Variants in GFRA2 observed in about 807,000 individuals in gnomAD.
GFRA2 encodes GDNF family receptor alpha-2.
Under a neutral mutation model 48.3 loss-of-function variants are expected in GFRA2, and 17 were observed. That is an observed-to-expected ratio of 0.35 (90% CI 0.24 to 0.53). The LOEUF is 0.53. Among genes scored for constraint, GFRA2 ranks in the 20% least tolerant of loss-of-function variants. The pLI is 0.93. For synonymous variants in GFRA2, 305 were observed against 257.2 expected, an observed-to-expected ratio of 1.19 and a Z score of -1.78; for missense variants, 660 against 637.3, an observed-to-expected ratio of 1.04 and a Z score of -0.38.
At chr8:21,727,548 G>A (rs11783590) in intron 4 of GFRA2, among the ~76,000 whole-genome samples, 15,899 of 152,140 alleles carry the variant, frequency 0.1, 1,457 homozygotes, top group African/African-American at 0.25. Flanking sequence ...GCCCCCCCCA[G>A]GAGACAGGCT....
chr8:21,804,111 G>C (rs1223623376), intron 2 of GFRA2, among the ~76,000 whole-genome samples: 1 of 152,146 alleles, frequency 6.6e-6, no homozygotes, highest in East Asian at 1.9e-4. Context: ...GCAGAAGTCA[G>C]TCCCCTGTCT....
Position 21,755,207 on chromosome 8 carries a change from C to T in GFRA2, c.440-4265G>A, listed in dbSNP as rs562827755. Among the ~76,000 whole-genome samples, 36 of 152,224 alleles carry T rather than the reference C, an allele frequency of 2.4e-4. No individual in the cohort carries two copies. The South Asian group carries it at 7.5e-3, about 32-fold the overall frequency. On this transcript the variant is annotated intron_variant, in intron 3 of 8. Coordinates refer to ENST00000524240, the MANE Select transcript of GFRA2 (RefSeq NM_001495.5). ...CACCAAGAGTGAACTCTAATGTAAA[C>T]TCTAGGCTTTGCCTCATAATGATGT...
chr8:21,747,784 AC>A (rs1805082271), intron 4 of GFRA2, among the ~76,000 whole-genome samples: 3 of 151,630 alleles, frequency 2.0e-5, no homozygotes, highest in African/African-American at 7.3e-5. Context: ...ACACACACAC[AC>A]ACACACACAC....
chr8:21,702,867 C>G lies in GFRA2; in HGVS notation c.1156G>C (p.Asp386His), dbSNP rs536908683. 2 of 1,609,978 alleles carry G rather than the reference C, an allele frequency of 1.2e-6. No homozygotes were observed. Among genetic ancestry groups the G allele is most frequent in the South Asian group, 1.1e-5 (1 of 90,850 alleles). The change falls in exon 7 of 9, where the codon GAT becomes CAT. Residue 386 changes from aspartate to histidine, a missense_variant. Coordinates refer to ENST00000524240, the MANE Select transcript of GFRA2 (RefSeq NM_001495.5). ...PRVEKTPSLP[D>H]DLSDSTSLGT... The stretch of plus-strand genomic sequence containing the variant: ...AAGCTGGTACTGTCACTGAGGTCAT[C>G]TGGCAAAGAAGGCGTCTTCTCCACC...
At chr8:21,694,328 C>T in intron 8 of GFRA2, 136 bp downstream of exon 8, 2 of 818,564 alleles carry the variant, frequency 2.4e-6, no homozygotes, top group Non-Finnish European at 3.9e-6. Context: ...AGTAAGTGCC[C>T]ACCCTGGTCC....
chr8:21,707,844 CA>C (rs1447730517), intron 4 of GFRA2, among the ~76,000 whole-genome samples: 1 of 152,196 alleles, frequency 6.6e-6, no homozygotes, highest in East Asian at 1.9e-4. Flanking sequence ...TTACATGGTG[CA>C]TTTTCTGTTA....
chr8:21,744,940 C>T (rs999373489), intron 4 of GFRA2, among the ~76,000 whole-genome samples: 1 of 152,204 alleles, frequency 6.6e-6, no homozygotes, highest in Non-Finnish European at 1.5e-5. Flanking sequence ...CCAGAGGCTC[C>T]ATCCTCAGCC....
At chr8:21,768,157 G>C (rs998023524) in intron 3 of GFRA2, among the ~76,000 whole-genome samples, 1 of 152,172 alleles carries the variant, frequency 6.6e-6, no homozygotes, top group Admixed American at 6.5e-5. Context: ...CCCCACACCT[G>C]CTCCTTGGCC....
chr8:21,760,123 T>C (rs1805828189), intron 3 of GFRA2, among the ~76,000 whole-genome samples: 1 of 152,122 alleles, frequency 6.6e-6, no homozygotes, highest in African/African-American at 2.4e-5. Flanking sequence ...CAGAGCTTCC[T>C]GGAGGAGGCA....
At chr8:21,710,536 C>T (rs1161068774) in intron 4 of GFRA2, among the ~76,000 whole-genome samples, 1 of 152,200 alleles carries the variant, frequency 6.6e-6, no homozygotes, top group Non-Finnish European at 1.5e-5. Context: ...CTCCTGACCC[C>T]ACCGTCCTTC....
At chr8:21,698,600 C>T (rs564854485) in intron 7 of GFRA2, among the ~76,000 whole-genome samples, 36 of 152,292 alleles carry the variant, frequency 2.4e-4, no homozygotes, top group African/African-American at 8.7e-4. Flanking sequence ...GCGCTCCTGG[C>T]CTTCCTCCCT....
upstream of GFRA2, among the ~76,000 whole-genome samples, chr8:21,790,256 C>G (rs2117100218): frequency 6.6e-6 from 1 of 152,340 alleles, no homozygotes; most frequent in South Asian, 2.1e-4. Context: ...GCCCTCGCGC[C>G]ACGTTCCTCG....
Position 21,782,726 on chromosome 8 carries a change from T to C in GFRA2, c.214A>G (p.Met72Val). Residue 72 changes from methionine to valine, a missense_variant, in exon 2 of 9, where the codon ATG becomes GTG. Physicochemically the swap from Met to Val is conservative, Grantham distance 21. Transcript: ENST00000524240. ...GCCTGGCACTCCTTGTTGGCCAGCATGGTGTTGCGGTCGCGGCCTGCCAGG... is the reference window on the plus strand; with the variant it reads ...GCCTGGCACTCCTTGTTGGCCAGCACGGTGTTGCGGTCGCGGCCTGCCAGG... ...QCLAGRDRNT[M>V]LANKECQAAL... The C allele has an allele frequency of 1.3e-6, 2 of 1,598,104 alleles. No individual in the cohort carries two copies. Among genetic ancestry groups the C allele is most frequent in the Non-Finnish European group, 1.7e-6 (2 of 1,173,028 alleles).
intron 2 of GFRA2, chr8:21,779,822 C>A (rs1260449588): frequency 6.6e-6 from 1 of 152,094 alleles, no homozygotes; most frequent in Non-Finnish European, 1.5e-5. Flanking sequence ...GGTCAGGGAT[C>A]CCCCTCTATC....
At chr8:21,741,005 T>G (rs76692559) in intron 4 of GFRA2, among the ~76,000 whole-genome samples, 2,405 of 152,324 alleles carry the variant, frequency 0.016, 71 homozygotes, top group African/African-American at 0.055. Context: ...CTGATCCAGT[T>G]ATTCTAAAAT....
In GFRA2 at chr8:21,718,982, C is replaced by G. The variant is rs572319927; in HGVS notation, c.795-12941G>C. ...AGTTTTCTTTCTCTCCTGCAGCCAT[C>G]CAAGGGAGTCACTGTGGTGCCACCT... On this transcript the variant is annotated intron_variant, in intron 4 of 8. Coordinates refer to ENST00000524240, the MANE Select transcript of GFRA2 (RefSeq NM_001495.5). 4.6e-5 allele frequency among the ~76,000 whole-genome samples: 7 copies of G among 151,704 alleles called. No individual in the cohort carries two copies. In the East Asian group the frequency reaches 1.4e-3, roughly 30 times the overall value.
chr8:21,810,032 G>A (rs1807949185), intron 1 of GFRA2, among the ~76,000 whole-genome samples: 1 of 152,140 alleles, frequency 6.6e-6, no homozygotes, highest in Non-Finnish European at 1.5e-5. Flanking sequence ...CCCAACGCAT[G>A]ATCTGAAATA....
At chr8:21,722,265 C>T (rs1803636319) in intron 4 of GFRA2, among the ~76,000 whole-genome samples, 1 of 152,132 alleles carries the variant, frequency 6.6e-6, no homozygotes, top group Non-Finnish European at 1.5e-5. Flanking sequence ...AGCCAGAAGC[C>T]AGGGAAGGGA....
intron 1 of GFRA2, among the ~76,000 whole-genome samples, chr8:21,805,341 G>C (rs1400923443): frequency 6.6e-6 from 1 of 152,130 alleles, no homozygotes; most frequent in Non-Finnish European, 1.5e-5. Context: ...CAACCAAATG[G>C]AAAGCTCCAT....
Sources: allele counts gnomAD v4.1 joint callset (sites outside exome capture counted in the v4.1 genomes callset), GRCh38; gene constraint gnomAD v4.1.1; transcripts MANE v1.5; gene names NCBI Gene and HGNC (gene_info 2026-07-23, HGNC 2026-07-21).